OR4C11: variants seen among roughly 807,000 people sequenced by gnomAD.
OR4C11 encodes the protein olfactory receptor family 4 subfamily C member 11.
OR4C11 carries 15 observed loss-of-function variants against 14.7 expected under a neutral mutation model. The ratio of observed to expected loss-of-function variants is 1.02; its 90% confidence interval spans 0.68 to 1.58. The LOEUF is 1.58. Ranked by LOEUF, OR4C11 falls within the 40% of genes most tolerant of loss-of-function variation. OR4C11 has a pLI of 0.00. For synonymous variants in OR4C11, 146 were observed against 135.0 expected (o/e 1.08, Z -0.57); for missense variants, 473 against 383.0 (o/e 1.24, Z -1.96).
chr11:55,603,640 A>G lies in OR4C11; in HGVS notation c.734T>C (p.Val245Ala). ...LSACTSHIIV[V>A]ILFFGPCIFI... ...TATACATGGGCCAAAGAATAAGATG[A>G]CTACAATTATGTGAGACGTGCAAGC... is the stretch of plus-strand genomic sequence containing the variant. The change falls in exon 4 of 4, where the codon GTC becomes GCC. Residue 245 changes from valine (V) to alanine (A), a missense_variant. Transcript: ENST00000641580. 6.7e-7 allele frequency: 1 copy of G among 1,486,022 alleles called. No homozygotes were observed. The allele number at this position is 1,486,022 out of a possible 1,614,324, so 92.1% of individuals were successfully genotyped here.
Position 55,604,964 on chromosome 11 carries a change from A to C in OR4C11, c.-45+162T>G, listed in dbSNP as rs371001149. ...ACTTGAGAATACCTTCCTTAATAAAATTTACATGTATGTGGGTGTGTGTGC... is the reference window on the plus strand; with the variant it reads ...ACTTGAGAATACCTTCCTTAATAAACTTTACATGTATGTGGGTGTGTGTGC... On this transcript the variant is annotated intron_variant, in intron 3 of 3. Transcript: ENST00000641580. Among the ~76,000 whole-genome samples, 317 of 138,074 alleles carry C rather than the reference A, an allele frequency of 2.3e-3. 72 individuals carry two copies. In the South Asian group the frequency reaches 0.072, roughly 31 times the overall value. The allele number at this position is 138,074 out of a possible 152,430, so 90.6% of individuals were successfully genotyped here.
chr11:55,603,177 C>T lies in OR4C11; in HGVS notation c.*264G>A, dbSNP rs1857905593. ...AGTCAGGCTTACACTTTAGAAAATG[C>T]ATGGCTGGAAAGGAAGATAATCTGA... On this transcript the variant is annotated 3_prime_UTR_variant, in exon 4 of 4. Transcript: ENST00000641580. 1 of 285,924 alleles carries T rather than the reference C, an allele frequency of 3.5e-6. No individual in the cohort carries two copies. The highest frequency in any genetic ancestry group is 6.4e-6 in the Non-Finnish European group (1 of 157,456). 17.7% of individuals were successfully genotyped at this position (285,924 alleles called of 1,614,324 possible).
chr11:55,605,786 T>G (rs1221823399), intron 2 of OR4C11, among the ~76,000 whole-genome samples: 2 of 138,812 alleles, frequency 1.4e-5, no homozygotes, highest in Non-Finnish European at 3.2e-5. Flanking sequence ...AGATGCTCAA[T>G]TTCTTTCATA....
In OR4C11 at chr11:55,603,854, GATCA is replaced by G; in HGVS notation, c.516_519del (p.Asp173IlefsTer10). Reference sequence around the variant, plus strand: ...AAGGGCTGCAAATCACAGCAATAATGATCAATCAAATAGGGTCCACAGAAAGGCA... The same window carrying G: ...AAGGGCTGCAAATCACAGCAATAATGATCAAATAGGGTCCACAGAAAGGCA... On this transcript the variant is annotated frameshift_variant, in exon 4 of 4. Coordinates refer to ENST00000641580, the MANE Select transcript of OR4C11 (RefSeq NM_001004700.3). LOFTEE classifies it high-confidence loss of function. 2 of 1,492,168 alleles carry G rather than the reference GATCA, an allele frequency of 1.3e-6. No homozygotes were observed. Among genetic ancestry groups the G allele is most frequent in the Non-Finnish European group, 1.8e-6 (2 of 1,097,348 alleles). The allele number at this position is 1,492,168 out of a possible 1,614,324, so 92.4% of individuals were successfully genotyped here.
rs1857911672 is a variant in OR4C11 at position 55,603,521 on chromosome 11, A to G, written c.853T>C (p.Tyr285His). Reference protein sequence around the residue: ...IGTPFLNPLIYTLRNAEVKNA... With the variant: ...IGTPFLNPLIHTLRNAEVKNA... ...TTCACTTCTGCATTCCTCAGTGTGTAGATGAGTGGATTGAGAAAGGGTGTT... is the reference window on the plus strand; with the variant it reads ...TTCACTTCTGCATTCCTCAGTGTGTGGATGAGTGGATTGAGAAAGGGTGTT... The change falls in exon 4 of 4, where the codon TAC (tyrosine) becomes CAC (histidine). Residue 285 changes from tyrosine to histidine, a missense_variant. Tyr to His is a moderately conservative substitution (Grantham distance 83, BLOSUM62 2). Coordinates refer to ENST00000641580, the MANE Select transcript of OR4C11 (RefSeq NM_001004700.3). 3 of 1,481,394 alleles carry G rather than the reference A, an allele frequency of 2.0e-6. 1 individual carries two copies. The highest frequency in any genetic ancestry group is 5.2e-5 in the East Asian group (2 of 38,702). The allele number at this position is 1,481,394 out of a possible 1,614,324, so 91.8% of individuals were successfully genotyped here.
In OR4C11 at chr11:55,604,617, T is replaced by C. The variant is rs761820031; in HGVS notation, c.-44-200A>G. Among the ~76,000 whole-genome samples, 17 of 137,614 alleles carry C rather than the reference T, an allele frequency of 1.2e-4. 3 individuals carry two copies. Among genetic ancestry groups the C allele is most frequent in the Non-Finnish European group, 2.7e-4 (17 of 62,056 alleles). The allele number at this position is 137,614 out of a possible 152,430, so 90.3% of individuals were successfully genotyped here. On this transcript the variant is annotated intron_variant, in intron 3 of 3. Coordinates refer to ENST00000641580, the MANE Select transcript of OR4C11 (RefSeq NM_001004700.3). ...TTTGAAACAGAATGTCGCTCTGTCC[T>C]CTAGGCTGGACTGCAGTGGCATGAC...
Position 55,603,907 on chromosome 11 carries a change from G to T in OR4C11, c.467C>A (p.Ala156Asp). 6.7e-7 allele frequency: 1 copy of T among 1,482,590 alleles called. No individual in the cohort carries two copies. Among genetic ancestry groups the T allele is most frequent in the Non-Finnish European group, 9.2e-7 (1 of 1,088,724 alleles). The allele number at this position is 1,482,590 out of a possible 1,614,324, so 91.8% of individuals were successfully genotyped here. A position where few individuals can be genotyped will look rare whatever the true frequency, so the allele number is the denominator to read the frequency against. Reference protein sequence around the residue: ...AWIGSLIHSTAQIILALRLPF... With the variant: ...AWIGSLIHSTDQIILALRLPF... ...CAATCTTAAGGCCAGGATAATCTGA[G>T]CTGTAGAGTGTATTAAAGACCCTAT... Residue 156 changes from alanine (A) to aspartate (D), a missense_variant, in exon 4 of 4, where the codon GCT becomes GAT. By Grantham distance (126) the Ala-to-Asp change is moderately radical. Coordinates refer to ENST00000641580, the MANE Select transcript of OR4C11 (RefSeq NM_001004700.3).
rs1237180405 is a variant in OR4C11 at position 55,604,024 on chromosome 11, G to A, written c.350C>T (p.Ala117Val). The A allele has an allele frequency of 2.7e-6, 4 of 1,487,746 alleles. No homozygotes were observed. Among genetic ancestry groups the A allele is most frequent in the Non-Finnish European group, 3.7e-6 (4 of 1,093,218 alleles). 92.2% of individuals were successfully genotyped at this position (1,487,746 alleles called of 1,614,324 possible). The part of the protein sequence containing the change: ...CMEIFVLILM[A>V]VDRYVAICKP... The stretch of plus-strand genomic sequence containing the variant: ...ACAGATGGCCACATAGCGATCAACA[G>A]CCATGAGAATGAGGACAAAGATCTC... Residue 117 changes from alanine (A) to valine (V), a missense_variant, in exon 4 of 4, where the codon GCT (alanine) becomes GTT (valine). Transcript: ENST00000641580.
Position 55,603,352 on chromosome 11 carries a change from C to T in OR4C11, c.*89G>A. On this transcript the variant is annotated 3_prime_UTR_variant, in exon 4 of 4. Transcript: ENST00000641580. ...TAGATACGATGATATATTATTCCCA[C>T]AGCATTCAGGTACTTTCCTATTTGC... 1.5e-6 allele frequency: 1 copy of T among 647,140 alleles called. No individual in the cohort carries two copies. The highest frequency in any genetic ancestry group is 2.2e-5 in the South Asian group (1 of 44,566). The allele number at this position is 647,140 out of a possible 1,614,324, so 40.1% of individuals were successfully genotyped here.
rs1857913789 is a variant in OR4C11, at chr11:55,603,587, A to T, written c.787T>A (p.Phe263Ile). The T allele has an allele frequency of 6.7e-7, 1 of 1,482,664 alleles. No homozygotes were observed. The highest frequency in any genetic ancestry group is 1.4e-5 in the African/African-American group (1 of 72,508). The allele number at this position is 1,482,664 out of a possible 1,614,324, so 91.8% of individuals were successfully genotyped here. ...IFIYTRPPTT[F>I]PMDKMVAVFY... Reference sequence around the variant, plus strand: ...ACTGCCACCATCTTGTCCATGGGGAAAGTGGTCGGGGGGCGTGTATATATG... The same window carrying T: ...ACTGCCACCATCTTGTCCATGGGGATAGTGGTCGGGGGGCGTGTATATATG... The change falls in exon 4 of 4, where the codon TTC (phenylalanine) becomes ATC (isoleucine). Residue 263 changes from phenylalanine to isoleucine, a missense_variant. Transcript: ENST00000641580.
intron 1 of OR4C11, 139 bp downstream of exon 1, chr11:55,607,148 C>T (rs1170631332): frequency 3.6e-5 from 5 of 137,848 alleles, no homozygotes; most frequent in Admixed American, 3.2e-4. Context: ...CTGGAACACC[C>T]CAATAGATTT....
chr11:55,603,950 G>A lies in OR4C11; in HGVS notation c.424C>T (p.Leu142=). 4 of 1,489,788 alleles carry A rather than the reference G, an allele frequency of 2.7e-6. 1 individual carries two copies. Among genetic ancestry groups the A allele is most frequent in the Non-Finnish European group, 3.7e-6 (4 of 1,095,796 alleles). 92.3% of individuals were successfully genotyped at this position (1,489,788 alleles called of 1,614,324 possible). ...GACCCTATCCAGGCAAGAACAATCAGGATGATGCAGACCTGCTGGCTCATG... is the reference window on the plus strand; with the variant it reads ...GACCCTATCCAGGCAAGAACAATCAAGATGATGCAGACCTGCTGGCTCATG... ...TIMSQQVCII[L]IVLAWIGSLI... The change falls in exon 4 of 4, where the codon CTG becomes TTG. Residue 142 remains leucine, a synonymous_variant. Transcript: ENST00000641580.
Position 55,604,129 on chromosome 11 carries a change from T to G in OR4C11, c.245A>C (p.Asp82Ala). The G allele has an allele frequency of 6.8e-7, 1 of 1,473,010 alleles. No individual in the cohort carries two copies. The highest frequency in any genetic ancestry group is 9.2e-7 in the Non-Finnish European group (1 of 1,081,946). The allele number at this position is 1,473,010 out of a possible 1,614,324, so 91.2% of individuals were successfully genotyped here. The change falls in exon 4 of 4, where the codon GAT becomes GCT. Residue 82 changes from aspartate to alanine, a missense_variant. Coordinates refer to ENST00000641580, the MANE Select transcript of OR4C11 (RefSeq NM_001004700.3). ...STSTAPRLIVDALSEKKIITY... is the reference protein window; with the variant it reads ...STSTAPRLIVAALSEKKIITY... ...TATAATTTTCTTTTCAGAGAGAGCATCCACAATTAATCTAGGGGCTGTGGA... is the reference window on the plus strand; with the variant it reads ...TATAATTTTCTTTTCAGAGAGAGCAGCCACAATTAATCTAGGGGCTGTGGA...
rs1205318151 is a variant in OR4C11, at chr11:55,603,882, C to T, written c.492G>A (p.Leu164=). 1.7e-5 allele frequency: 25 copies of T among 1,490,366 alleles called. 4 individuals carry two copies. The highest frequency in any genetic ancestry group is 2.8e-5 in the African/African-American group (2 of 72,578). 92.3% of individuals were successfully genotyped at this position (1,490,366 alleles called of 1,614,324 possible). Residue 164 remains leucine (L), a synonymous_variant, in exon 4 of 4, where the codon TTG becomes TTA. Coordinates refer to ENST00000641580, the MANE Select transcript of OR4C11 (RefSeq NM_001004700.3). ...CAATCAAATAGGGTCCACAGAAAGG[C>T]AATCTTAAGGCCAGGATAATCTGAG... ...STAQIILALR[L]PFCGPYLIDH... is the part of the protein sequence containing the mutation.
chr11:55,606,222 A>G lies in OR4C11; in HGVS notation c.-207+300T>C, dbSNP rs1430003898. The stretch of plus-strand genomic sequence containing the variant: ...TATGCACACGCACGCACACACACAC[A>G]CACACAAAATTGTCCCTGACATATG... On this transcript the variant is annotated intron_variant, in intron 2 of 3. Coordinates refer to ENST00000641580, the MANE Select transcript of OR4C11 (RefSeq NM_001004700.3). Among the ~76,000 whole-genome samples the G allele has an allele frequency of 3.6e-5, 5 of 138,078 alleles. 1 individual carries two copies. Among genetic ancestry groups the G allele is most frequent in the Non-Finnish European group, 6.4e-5 (4 of 62,176 alleles). 90.6% of individuals were successfully genotyped at this position (138,078 alleles called of 152,430 possible). A position where few individuals can be genotyped will look rare whatever the true frequency, so the allele number is the denominator to read the frequency against.
rs777029871 is a variant in OR4C11 at position 55,603,309 on chromosome 11, C to T, written c.*132G>A. The T allele has an allele frequency of 3.9e-6, 2 of 514,928 alleles. 1 individual carries two copies. 31.9% of individuals were successfully genotyped at this position (514,928 alleles called of 1,614,324 possible). A position where few individuals can be genotyped will look rare whatever the true frequency, so the allele number is the denominator to read the frequency against. On this transcript the variant is annotated 3_prime_UTR_variant, in exon 4 of 4. Transcript: ENST00000641580. ...GTCACAACTCCTGTTAACTAGAAAA[C>T]ATAGGAACCCACAAACTTAGATACG...
chr11:55,603,545 T>C lies in OR4C11; in HGVS notation c.829A>G (p.Thr277Ala), dbSNP rs2456022. ...TAGATGAGTGGATTGAGAAAGGGTGTTCCAATAGTATAAAATACTGCCACC... is the reference window on the plus strand; with the variant it reads ...TAGATGAGTGGATTGAGAAAGGGTGCTCCAATAGTATAAAATACTGCCACC... ...KMVAVFYTIG[T>A]PFLNPLIYTL... The change falls in exon 4 of 4, where the codon ACA becomes GCA. Residue 277 changes from threonine to alanine, a missense_variant. Thr to Ala is a moderately conservative substitution (Grantham distance 58). Coordinates refer to ENST00000641580, the MANE Select transcript of OR4C11 (RefSeq NM_001004700.3). 46 of 1,474,630 alleles carry C rather than the reference T, an allele frequency of 3.1e-5. 13 individuals carry two copies. The highest frequency in any genetic ancestry group is 3.6e-5 in the Non-Finnish European group (39 of 1,081,850). The allele number at this position is 1,474,630 out of a possible 1,614,324, so 91.3% of individuals were successfully genotyped here.
At position 55,603,976 on chromosome 11, in the gene OR4C11, A is replaced by G; in HGVS notation, c.398T>C (p.Ile133Thr). The change falls in exon 4 of 4, where the codon ATC (isoleucine) becomes ACC (threonine). Residue 133 changes from isoleucine to threonine, a missense_variant. Ile to Thr is a moderately conservative substitution (Grantham distance 89). Transcript: ENST00000641580. ...AICKPLRYPTIMSQQVCIILI... is the reference protein window; with the variant it reads ...AICKPLRYPTTMSQQVCIILI... The stretch of plus-strand genomic sequence containing the variant: ...GATGATGCAGACCTGCTGGCTCATG[A>G]TGGTTGGGTAACGCAAGGGCTTACA... The G allele has an allele frequency of 1.3e-6, 2 of 1,490,302 alleles. No homozygotes were observed. The highest frequency in any genetic ancestry group is 2.4e-5 in the South Asian group (2 of 84,482). 92.3% of individuals were successfully genotyped at this position (1,490,302 alleles called of 1,614,324 possible). A position where few individuals can be genotyped will look rare whatever the true frequency, so the allele number is the denominator to read the frequency against.
intron 1 of OR4C11, among the ~76,000 whole-genome samples, chr11:55,607,017 A>G (rs1403395397): frequency 7.2e-6 from 1 of 138,476 alleles, no homozygotes; most frequent in East Asian, 2.3e-4. Context: ...TCAAAGAATT[A>G]AGAGAAATTC....
Sources: allele counts gnomAD v4.1 joint callset (sites outside exome capture counted in the v4.1 genomes callset), GRCh38; gene constraint gnomAD v4.1.1; transcripts MANE v1.5; gene names NCBI Gene and HGNC (gene_info 2026-07-23, HGNC 2026-07-21).